DUSP16: variants seen among roughly 807,000 people sequenced by gnomAD.
DUSP16 encodes the protein dual specificity phosphatase 16.
In DUSP16, 21 loss-of-function variants were observed where a neutral mutation model predicts 58.3. That is an observed-to-expected ratio of 0.36 (90% CI 0.26 to 0.52). DUSP16 has a LOEUF of 0.52. DUSP16 is among the 20% of genes least tolerant of loss of function. The probability of loss-of-function intolerance (pLI) is 0.94; values close to 1 mark genes in which losing one functional copy is unlikely to be tolerated. For missense variants in DUSP16, 726 were observed against 819.0 expected (o/e 0.89, Z 1.39); for synonymous variants, 320 against 323.8 (o/e 0.99, Z 0.12).
At chr12:12,478,670 C>G (rs774391100) in intron 6 of DUSP16, among the ~76,000 whole-genome samples, 4 of 152,088 alleles carry the variant, frequency 2.6e-5, no homozygotes, top group Non-Finnish European at 5.9e-5. Context: ...CAAGGACACC[C>G]CTGACACACA....
rs192558423 is a variant in DUSP16, at chr12:12,530,506, C to T, written c.-365-9043G>A. The stretch of plus-strand genomic sequence containing the variant: ...CCCTTGCAGTGCAGAAGCTTTTTAG[C>T]TTGACATAATCCCATTTGTCTATTT... On this transcript the variant is annotated intron_variant, in intron 1 of 6. Coordinates refer to ENST00000298573, the MANE Select transcript of DUSP16 (RefSeq NM_030640.3). Among the ~76,000 whole-genome samples the T allele has an allele frequency of 2.8e-4, 43 of 152,260 alleles. 1 individual carries two copies. The highest frequency in any genetic ancestry group is 2.7e-3 in the Admixed American group (42 of 15,288).
At chr12:12,513,617 G>A (rs1018065384) in intron 3 of DUSP16, among the ~76,000 whole-genome samples, 2 of 152,170 alleles carry the variant, frequency 1.3e-5, no homozygotes, top group East Asian at 1.9e-4. Flanking sequence ...TCCCGCAATC[G>A]CTGTAGGGTT....
chr12:12,497,042 T>A (rs1284389692), intron 4 of DUSP16, among the ~76,000 whole-genome samples: 4 of 152,160 alleles, frequency 2.6e-5, no homozygotes, highest in Non-Finnish European at 5.9e-5. Context: ...CTACTCCAAA[T>A]TGAGATGTGC....
chr12:12,500,399 C>A (rs1943891325), intron 4 of DUSP16, 120 bp downstream of exon 4: 1 of 1,217,602 alleles, frequency 8.2e-7, no homozygotes, highest in Non-Finnish European at 1.1e-6. Context: ...GGGGAGCACA[C>A]TGAGAATGGC....
chr12:12,497,667 T>TA (rs58191075), intron 4 of DUSP16, among the ~76,000 whole-genome samples: 44,300 of 145,544 alleles, frequency 0.3, 7,469 homozygotes, highest in Middle Eastern at 0.41. Context: ...GCACTTCATT[T>TA]AAAAAAAAAA....
chr12:12,503,528 T>C (rs1167680860), intron 3 of DUSP16, among the ~76,000 whole-genome samples: 1 of 152,142 alleles, frequency 6.6e-6, no homozygotes. Flanking sequence ...TCTAGCGCCA[T>C]CTGTGGGGCC....
chr12:12,556,092 A>C (rs958662028), intron 1 of DUSP16, among the ~76,000 whole-genome samples: 3 of 152,226 alleles, frequency 2.0e-5, no homozygotes, highest in Non-Finnish European at 4.4e-5. Flanking sequence ...GGAAATCAAG[A>C]GAGCACTAAA....
rs1485556853 is a variant in DUSP16 at position 12,546,632 on chromosome 12, AC to A, written c.-366+15484del. Among the ~76,000 whole-genome samples the A allele has an allele frequency of 3.9e-5, 6 of 152,230 alleles. No homozygotes were observed. The East Asian group carries it at 1.2e-3, about 29-fold the overall frequency. ...TCACAGATGGTCAAGCACAAAGACA[AC>A]ACTAGATAGACATGCTGTGTTCTAG... On this transcript the variant is annotated intron_variant, in intron 1 of 6. Coordinates refer to ENST00000298573, the MANE Select transcript of DUSP16 (RefSeq NM_030640.3).
At chr12:12,548,243 C>A (rs1015434244) in intron 1 of DUSP16, among the ~76,000 whole-genome samples, 26 of 152,096 alleles carry the variant, frequency 1.7e-4, no homozygotes. Flanking sequence ...ATATAAATGG[C>A]CAACTATTTG....
intron 5 of DUSP16, among the ~76,000 whole-genome samples, chr12:12,481,489 G>A (rs1031592497): frequency 7.2e-5 from 11 of 152,098 alleles, no homozygotes; most frequent in Non-Finnish European, 1.0e-4. Flanking sequence ...AAATTCTTGC[G>A]ATTAACAGAT....
intron 1 of DUSP16, among the ~76,000 whole-genome samples, chr12:12,548,618 G>A (rs555768685): frequency 4.7e-5 from 6 of 126,358 alleles, no homozygotes; most frequent in South Asian, 2.7e-4. Flanking sequence ...GTGACAGAGT[G>A]AGACTCTGTC....
chr12:12,499,072 C>T (rs1273161604), intron 4 of DUSP16, among the ~76,000 whole-genome samples: 1 of 152,196 alleles, frequency 6.6e-6, no homozygotes, highest in Non-Finnish European at 1.5e-5. Flanking sequence ...AAAAGGTATA[C>T]AGCAAAATGA....
chr12:12,505,359 C>T (rs1943977917), intron 3 of DUSP16, among the ~76,000 whole-genome samples: 1 of 152,178 alleles, frequency 6.6e-6, no homozygotes, highest in African/African-American at 2.4e-5. Flanking sequence ...CTTGTTTCCC[C>T]AAAGCTATAT....
At chr12:12,525,510 T>C (rs1027288967) in intron 1 of DUSP16, among the ~76,000 whole-genome samples, 2 of 152,024 alleles carry the variant, frequency 1.3e-5, no homozygotes, top group African/African-American at 4.8e-5. Flanking sequence ...GTAATCCACC[T>C]GCCTTGGCCT....
intron 5 of DUSP16, among the ~76,000 whole-genome samples, chr12:12,481,832 G>A (rs1013593050): frequency 6.6e-6 from 1 of 151,934 alleles, no homozygotes; most frequent in African/African-American, 2.4e-5. Flanking sequence ...TTCCTTCTCA[G>A]CTATCATTTA....
intron 1 of DUSP16, among the ~76,000 whole-genome samples, chr12:12,532,083 G>A (rs11054957): frequency 0.21 from 31,401 of 152,022 alleles, 4,082 homozygotes; most frequent in Admixed American, 0.27. Flanking sequence ...GCGTGAACCC[G>A]GGAAGCGGAG....
At chr12:12,542,231 G>C (rs375712780) in intron 1 of DUSP16, among the ~76,000 whole-genome samples, 6 of 152,118 alleles carry the variant, frequency 3.9e-5, no homozygotes, top group African/African-American at 1.4e-4. Flanking sequence ...AAATTACCCG[G>C]GCGTGGTGGC....
At chr12:12,561,759 C>G (rs1282464581) in intron 1 of DUSP16, among the ~76,000 whole-genome samples, 1 of 151,920 alleles carries the variant, frequency 6.6e-6, no homozygotes, top group Non-Finnish European at 1.5e-5. Context: ...GTGCCGCGTC[C>G]CGCGGCGGCC....
chr12:12,553,668 G>C (rs115090207), intron 1 of DUSP16, among the ~76,000 whole-genome samples: 6 of 151,880 alleles, frequency 4.0e-5, no homozygotes, highest in Non-Finnish European at 8.8e-5. Context: ...TGAGCCCCAC[G>C]AGTGGCTGGG....
Sources: gnomAD v4.1 joint callset for allele counts (sites outside exome capture counted in the v4.1 genomes callset) on GRCh38, gnomAD v4.1.1 for gene constraint, MANE v1.5 for transcripts, NCBI Gene and HGNC (gene_info 2026-07-23, HGNC 2026-07-21) for gene names.